CNTNAP5: variants seen among roughly 807,000 people sequenced by gnomAD.
CNTNAP5 encodes contactin associated protein family member 5.
In CNTNAP5, 72 loss-of-function variants were observed where a neutral mutation model predicts 150.2. The observed-to-expected ratio is 0.48, with a 90% CI of 0.40 to 0.58. CNTNAP5 has a LOEUF of 0.58. CNTNAP5 is among the 20% of genes least tolerant of loss of function. The pLI is 0.00. For synonymous variants in CNTNAP5, 672 were observed against 619.8 expected (o/e 1.08, Z -1.25); for missense variants, 1,636 against 1,626.2 (o/e 1.01, Z -0.10).
intron 3 of CNTNAP5, among the ~76,000 whole-genome samples, chr2:124,329,825 A>C (rs564283732): frequency 6.6e-6 from 1 of 152,306 alleles, no homozygotes; most frequent in Non-Finnish European, 1.5e-5. Flanking sequence ...TTTTGTGGGC[A>C]CAGAGGAAAA....
chr2:124,669,322 A>T (rs938882929), intron 13 of CNTNAP5, among the ~76,000 whole-genome samples: 8 of 152,198 alleles, frequency 5.3e-5, no homozygotes, highest in Non-Finnish European at 1.2e-4. Context: ...CTAGGAGATC[A>T]TTTCTTGATT....
chr2:124,870,846 C>T (rs1362361874), intron 21 of CNTNAP5, among the ~76,000 whole-genome samples: 1 of 151,970 alleles, frequency 6.6e-6, no homozygotes, highest in Non-Finnish European at 1.5e-5. Flanking sequence ...GCATCACGGG[C>T]CCCTGCTTTT....
At chr2:124,890,601 G>A (rs996407514) in intron 21 of CNTNAP5, among the ~76,000 whole-genome samples, 1 of 152,030 alleles carries the variant, frequency 6.6e-6, no homozygotes, top group African/African-American at 2.4e-5. Context: ...CCATCCATTC[G>A]TCAATTGGTT....
chr2:124,834,426 G>A (rs1373794982), intron 19 of CNTNAP5, among the ~76,000 whole-genome samples: 1 of 152,046 alleles, frequency 6.6e-6, no homozygotes, highest in South Asian at 2.1e-4. Flanking sequence ...AAATACCCAG[G>A]GAGAAATGGC....
chr2:124,311,354 GC>G (rs1688825824), intron 3 of CNTNAP5, among the ~76,000 whole-genome samples: 1 of 152,238 alleles, frequency 6.6e-6, no homozygotes, highest in Admixed American at 6.5e-5. Flanking sequence ...CTTGCAGACG[GC>G]CGCCTTCTCA....
At chr2:124,359,289 T>C (rs2104712334) in intron 3 of CNTNAP5, among the ~76,000 whole-genome samples, 1 of 151,142 alleles carries the variant, frequency 6.6e-6, no homozygotes, top group African/African-American at 2.4e-5. Flanking sequence ...AAGGGTTTTT[T>C]GTGTCTCTAT....
At chr2:124,645,041 T>C (rs568351047) in intron 12 of CNTNAP5, among the ~76,000 whole-genome samples, 2 of 152,352 alleles carry the variant, frequency 1.3e-5, no homozygotes, top group South Asian at 4.1e-4. Context: ...CTTGTCTTCT[T>C]TGTATAAACA....
chr2:124,374,055 T>C (rs1212428741), intron 3 of CNTNAP5, among the ~76,000 whole-genome samples: 1 of 152,028 alleles, frequency 6.6e-6, no homozygotes, highest in Non-Finnish European at 1.5e-5. Flanking sequence ...TGGTGATATT[T>C]TGAGATACTT....
intron 1 of CNTNAP5, among the ~76,000 whole-genome samples, chr2:124,086,504 G>A (rs1372117621): frequency 6.6e-6 from 1 of 151,330 alleles, no homozygotes; most frequent in East Asian, 1.9e-4. Flanking sequence ...TACCTGGCCT[G>A]GTGTACACAC....
At chr2:124,048,027 G>A (rs1258051268) in intron 1 of CNTNAP5, among the ~76,000 whole-genome samples, 1 of 152,148 alleles carries the variant, frequency 6.6e-6, no homozygotes, top group African/African-American at 2.4e-5. Flanking sequence ...ACATTTCCAA[G>A]CTACACTGAA....
chr2:124,145,842 A>AAT (rs1558774014), intron 1 of CNTNAP5, among the ~76,000 whole-genome samples: 14 of 146,404 alleles, frequency 9.6e-5, no homozygotes, highest in Non-Finnish European at 1.0e-4. Context: ...GAAAAAAAAA[A>AAT]AAAATAAAAT....
intron 1 of CNTNAP5, among the ~76,000 whole-genome samples, chr2:124,117,387 A>T (rs1558762033): frequency 1.3e-5 from 2 of 152,154 alleles, no homozygotes; most frequent in South Asian, 4.1e-4. Context: ...AGACTTTATT[A>T]TGAGTCCTTA....
chr2:124,112,833 G>A (rs1041824347), intron 1 of CNTNAP5, among the ~76,000 whole-genome samples: 1 of 151,966 alleles, frequency 6.6e-6, no homozygotes, highest in Non-Finnish European at 1.5e-5. Flanking sequence ...GTATCATTTT[G>A]TGTTTCATTT....
rs575694686 is a variant in CNTNAP5 at position 124,260,210 on chromosome 2, G to A, written c.381+17817G>A. On this transcript the variant is annotated intron_variant, in intron 3 of 23. Transcript: ENST00000682447. ...ACAGAACAGAACCCTCAGAAATAAT[G>A]CCACATATCTACAAATCTCTCACTT... Among the ~76,000 whole-genome samples the A allele has an allele frequency of 2.7e-3, 407 of 152,132 alleles. 2 individuals carry two copies. Among genetic ancestry groups the A allele is most frequent in the African/African-American group, 9.3e-3 (385 of 41,510 alleles).
Position 124,754,150 on chromosome 2 carries a change from T to C in CNTNAP5, c.2234+6765T>C, listed in dbSNP as rs1206301806. 4.6e-5 allele frequency among the ~76,000 whole-genome samples: 7 copies of C among 152,254 alleles called. No homozygotes were observed. The South Asian group carries it at 1.0e-3, about 23-fold the overall frequency. On this transcript the variant is annotated intron_variant, in intron 14 of 23. Coordinates refer to ENST00000682447, the MANE Select transcript of CNTNAP5 (RefSeq NM_001367498.1). Reference sequence around the variant, plus strand: ...TCACCTCTGAGATTCCCAGGCTCCATGCATTAAGGGCGCCTTAGACCACAT... The same window carrying C: ...TCACCTCTGAGATTCCCAGGCTCCACGCATTAAGGGCGCCTTAGACCACAT...
rs139801003 is a variant in CNTNAP5, at chr2:124,602,639, A to C, written c.1757-7162A>C. 3.4e-3 allele frequency among the ~76,000 whole-genome samples: 524 copies of C among 152,142 alleles called. 2 individuals carry two copies. The highest frequency in any genetic ancestry group is 5.5e-3 in the Non-Finnish European group (375 of 68,004). On this transcript the variant is annotated intron_variant, in intron 11 of 23. Coordinates refer to ENST00000682447, the MANE Select transcript of CNTNAP5 (RefSeq NM_001367498.1). ...CTCCTGGGTAGCTGAGACTATAGGC[A>C]CAAGCTACGCACCCAGCTAATTTTA...
chr2:124,086,761 C>T (rs1437664807), intron 1 of CNTNAP5, among the ~76,000 whole-genome samples: 2 of 151,574 alleles, frequency 1.3e-5, no homozygotes, highest in Non-Finnish European at 2.9e-5. Context: ...ATAATCCTAT[C>T]TGATAATCCC....
At chr2:124,618,369 G>A (rs4848947) in intron 12 of CNTNAP5, among the ~76,000 whole-genome samples, 61,396 of 151,922 alleles carry the variant, frequency 0.4, 14,490 homozygotes, top group Non-Finnish European at 0.54. Context: ...TGGATCTCTC[G>A]TATGGCTTGT....
intron 3 of CNTNAP5, among the ~76,000 whole-genome samples, chr2:124,351,440 T>C (rs1437347253): frequency 6.6e-6 from 1 of 152,200 alleles, no homozygotes; most frequent in Non-Finnish European, 1.5e-5. Flanking sequence ...GGCAGTGTTC[T>C]TGTTGGCATA....
Sources: gnomAD v4.1 joint callset for allele counts (sites outside exome capture counted in the v4.1 genomes callset) on GRCh38, gnomAD v4.1.1 for gene constraint, MANE v1.5 for transcripts, NCBI Gene and HGNC (gene_info 2026-07-23, HGNC 2026-07-21) for gene names.